The following SGCZ variants were observed in gnomAD, a reference collection of about 807,000 sequenced individuals.
The protein encoded by SGCZ is zeta-sarcoglycan.
SGCZ carries 40 observed loss-of-function variants against 41.3 expected under a neutral mutation model. The observed-to-expected ratio is 0.97, with a 90% CI of 0.75 to 1.26. SGCZ has a LOEUF of 1.26. SGCZ is among the 50% of genes most tolerant of loss of function. The pLI, the probability that SGCZ is intolerant of heterozygous loss-of-function variation, is 0.00. For synonymous variants in SGCZ, 206 were observed against 137.5 expected (o/e 1.50, Z -3.49); for missense variants, 552 against 369.8 (o/e 1.49, Z -4.04).
At chr8:15,138,352 G>A (rs1344525430) in intron 1 of SGCZ, among the ~76,000 whole-genome samples, 2 of 152,136 alleles carry the variant, frequency 1.3e-5, no homozygotes, top group East Asian at 1.9e-4. Flanking sequence ...ATGCAGGGAT[G>A]AGTTGAGACT....
At chr8:14,189,553 G>C (rs1359811782) in intron 4 of SGCZ, among the ~76,000 whole-genome samples, 1 of 152,140 alleles carries the variant, frequency 6.6e-6, no homozygotes, top group Non-Finnish European at 1.5e-5. Flanking sequence ...TTCTCAGCCG[G>C]ATCTTCGTGT....
At chr8:15,102,500 C>A (rs935577624) in intron 1 of SGCZ, among the ~76,000 whole-genome samples, 8 of 152,100 alleles carry the variant, frequency 5.3e-5, no homozygotes, top group African/African-American at 1.9e-4. Context: ...AAAAAAGGAA[C>A]TATAGTGTAA....
chr8:15,166,527 T>C (rs1481690440), intron 1 of SGCZ, among the ~76,000 whole-genome samples: 3 of 152,090 alleles, frequency 2.0e-5, no homozygotes, highest in Middle Eastern at 3.2e-3. Flanking sequence ...GGATTACAGG[T>C]GTGAGCCACC....
intron 3 of SGCZ, among the ~76,000 whole-genome samples, chr8:14,246,679 G>A (rs1451251176): frequency 1.3e-5 from 2 of 151,396 alleles, no homozygotes; most frequent in South Asian, 4.2e-4. Context: ...ACGCCGAGGC[G>A]GGCAGATCAC....
intron 2 of SGCZ, among the ~76,000 whole-genome samples, chr8:14,363,015 A>C (rs1803581923): frequency 6.6e-6 from 1 of 152,170 alleles, no homozygotes; most frequent in African/African-American, 2.4e-5. Flanking sequence ...GTTGCTCAAT[A>C]TGTGGATGAC....
chr8:14,748,331 T>C (rs903322708), intron 1 of SGCZ, among the ~76,000 whole-genome samples: 1 of 152,142 alleles, frequency 6.6e-6, no homozygotes, highest in Non-Finnish European at 1.5e-5. Flanking sequence ...TATTATACTA[T>C]CTCAAAATTA....
chr8:14,386,055 G>A (rs1219077603), intron 2 of SGCZ, among the ~76,000 whole-genome samples: 1 of 151,944 alleles, frequency 6.6e-6, no homozygotes, highest in Non-Finnish European at 1.5e-5. Flanking sequence ...GTGGGGTTTT[G>A]TTTTTATTTT....
At chr8:14,625,755 C>T (rs1401061933) in intron 1 of SGCZ, among the ~76,000 whole-genome samples, 1 of 152,046 alleles carries the variant, frequency 6.6e-6, no homozygotes, top group Non-Finnish European at 1.5e-5. Flanking sequence ...TAAGAATTCT[C>T]CCCCAAGTTT....
intron 1 of SGCZ, among the ~76,000 whole-genome samples, chr8:15,129,279 C>G (rs1480948676): frequency 6.6e-6 from 1 of 152,084 alleles, no homozygotes; most frequent in African/African-American, 2.4e-5. Flanking sequence ...TGCAACCACA[C>G]CCAGATACCA....
intron 3 of SGCZ, among the ~76,000 whole-genome samples, chr8:14,265,130 C>T (rs895003004): frequency 6.6e-6 from 1 of 152,092 alleles, no homozygotes; most frequent in African/African-American, 2.4e-5. Flanking sequence ...CACCAGAGAC[C>T]AACCCTAAAG....
At chr8:14,735,694 C>T (rs1799007485) in intron 1 of SGCZ, among the ~76,000 whole-genome samples, 1 of 152,110 alleles carries the variant, frequency 6.6e-6, no homozygotes. Context: ...TTAATAAACT[C>T]CCTTTCGTAT....
chr8:14,491,932 T>C (rs1801853333), intron 2 of SGCZ, among the ~76,000 whole-genome samples: 2 of 151,806 alleles, frequency 1.3e-5, no homozygotes, highest in Non-Finnish European at 2.9e-5. Context: ...AATAAATTGC[T>C]AGCCATTAGT....
chr8:14,126,678 C>T (rs1360865161), intron 5 of SGCZ, among the ~76,000 whole-genome samples: 1 of 152,124 alleles, frequency 6.6e-6, no homozygotes, highest in African/African-American at 2.4e-5. Context: ...TATAAAGATA[C>T]ACACACGTAT....
At chr8:14,537,632 C>T (rs1563394656) in intron 2 of SGCZ, among the ~76,000 whole-genome samples, 1 of 151,346 alleles carries the variant, frequency 6.6e-6, no homozygotes, top group Non-Finnish European at 1.5e-5. Flanking sequence ...TCCCATCCAT[C>T]AGAGATTTAA....
chr8:14,832,751 G>T (rs1007952426), intron 1 of SGCZ, among the ~76,000 whole-genome samples: 2 of 152,026 alleles, frequency 1.3e-5, no homozygotes, highest in African/African-American at 4.8e-5. Flanking sequence ...GCTTTCCTAT[G>T]AATATTAGGC....
intron 1 of SGCZ, among the ~76,000 whole-genome samples, chr8:14,886,639 G>A (rs1303832308): frequency 6.6e-6 from 1 of 152,094 alleles, no homozygotes; most frequent in Non-Finnish European, 1.5e-5. Context: ...ATTGATTGAG[G>A]AGAAGAAAAG....
At chr8:14,655,231 T>C (rs1807528573) in intron 1 of SGCZ, among the ~76,000 whole-genome samples, 1 of 152,092 alleles carries the variant, frequency 6.6e-6, no homozygotes, top group African/African-American at 2.4e-5. Flanking sequence ...TCTTAGTTTT[T>C]CCACTGTCGT....
At chr8:14,664,931 T>C (rs925824397) in intron 1 of SGCZ, among the ~76,000 whole-genome samples, 1 of 152,174 alleles carries the variant, frequency 6.6e-6, no homozygotes, top group Non-Finnish European at 1.5e-5. Flanking sequence ...TTTTAGATAC[T>C]ATCTCTAGCA....
At position 15,157,954 on chromosome 8, in the gene SGCZ, C is replaced by T. The variant is rs369463620; in HGVS notation, c.39+79631G>A. Among the ~76,000 whole-genome samples the T allele has an allele frequency of 9.8e-5, 15 of 152,294 alleles. No individual in the cohort carries two copies. The East Asian group carries it at 2.7e-3, about 28-fold the overall frequency. On this transcript the variant is annotated intron_variant, in intron 1 of 7. Transcript: ENST00000382080. ...GCCTTCCGCAGGTCCATTCCAGGGC[C>T]GCTCTTGCCCAGTGACTGGCAGAAC...
Sources: gnomAD v4.1 joint callset for allele counts (sites outside exome capture counted in the v4.1 genomes callset) on GRCh38, gnomAD v4.1.1 for gene constraint, MANE v1.5 for transcripts, NCBI Gene and HGNC (gene_info 2026-07-23, HGNC 2026-07-21) for gene names.